The following SLC41A2 variants were observed in gnomAD, a reference collection of about 807,000 sequenced individuals.
SLC41A2 encodes solute carrier family 41 member 2, also known as SLC41A1-like 1.
Under a neutral mutation model 58.3 loss-of-function variants are expected in SLC41A2, and 32 were observed. The observed-to-expected ratio is 0.55, with a 90% confidence interval of 0.41 to 0.74. SLC41A2 has a LOEUF of 0.74. SLC41A2 is among the 30% of genes least tolerant of loss of function. The pLI is 0.00. For missense variants in SLC41A2, 514 were observed against 680.6 expected (o/e 0.76, Z 2.72); for synonymous variants, 190 against 235.0 (o/e 0.81, Z 1.75).
chr12:104,802,825 T>G lies in SLC41A2; in HGVS notation c.*2327A>C, dbSNP rs2040746887. The G allele has an allele frequency of 6.6e-6, 1 of 152,150 alleles. No homozygotes were observed. The highest frequency in any genetic ancestry group is 1.5e-5 in the Non-Finnish European group (1 of 68,002). 9.4% of individuals were successfully genotyped at this position (152,150 alleles called of 1,614,324 possible). On this transcript the variant is annotated 3_prime_UTR_variant, in exon 11 of 11. Coordinates refer to ENST00000258538, the MANE Select transcript of SLC41A2 (RefSeq NM_001352171.3). ...TAAAAATCCTATTTTTGCAGTTGGC[T>G]TCCTCTCAGTGAATTAGTTAGGTAG...
chr12:104,948,041 C>T (rs1242457515), intron 1 of SLC41A2, among the ~76,000 whole-genome samples: 2 of 152,078 alleles, frequency 1.3e-5, no homozygotes, highest in Admixed American at 6.6e-5. Flanking sequence ...TGACTTTTCT[C>T]GGAAATAATT....
intron 10 of SLC41A2, among the ~76,000 whole-genome samples, chr12:104,818,132 G>A (rs1191962401): frequency 6.6e-6 from 1 of 151,960 alleles, no homozygotes; most frequent in East Asian, 1.9e-4. Flanking sequence ...AAAATAAAAA[G>A]CATCAATGCT....
chr12:104,936,450 A>T (rs1433499627), intron 1 of SLC41A2, among the ~76,000 whole-genome samples: 2 of 152,132 alleles, frequency 1.3e-5, no homozygotes, highest in Admixed American at 1.3e-4. Context: ...CATACCCAAG[A>T]CTGGGCAATC....
chr12:104,958,739 C>T (rs1041890502), upstream of SLC41A2: 1 of 152,408 alleles, frequency 6.6e-6, no homozygotes, highest in Non-Finnish European at 1.5e-5. Flanking sequence ...CCCAGCAGCG[C>T]ATAGTGTGGG....
At chr12:104,846,880 A>G (rs1211648136) in intron 8 of SLC41A2, among the ~76,000 whole-genome samples, 2 of 152,240 alleles carry the variant, frequency 1.3e-5, no homozygotes, top group Non-Finnish European at 2.9e-5. Context: ...CTAATGATCT[A>G]GCAGAAGAAA....
chr12:104,927,931 A>T, intron 2 of SLC41A2, 42 bp downstream of exon 2: 1 of 1,498,416 alleles, frequency 6.7e-7, no homozygotes, highest in Non-Finnish European at 8.9e-7. Flanking sequence ...GAAATGGAAT[A>T]ACAAAAAAAG....
intron 2 of SLC41A2, among the ~76,000 whole-genome samples, chr12:104,923,747 C>G (rs1458006908): frequency 2.0e-5 from 3 of 152,112 alleles, no homozygotes; most frequent in Admixed American, 6.5e-5. Flanking sequence ...ACACATACAA[C>G]TATTGAACCA....
intron 1 of SLC41A2, among the ~76,000 whole-genome samples, chr12:104,937,508 C>T (rs1170201385): frequency 6.6e-6 from 1 of 152,182 alleles, no homozygotes; most frequent in Admixed American, 6.5e-5. Context: ...GAGCGATAGG[C>T]CATACCACAC....
At chr12:104,936,619 T>C (rs2047288016) in intron 1 of SLC41A2, among the ~76,000 whole-genome samples, 1 of 152,126 alleles carries the variant, frequency 6.6e-6, no homozygotes, top group African/African-American at 2.4e-5. Flanking sequence ...TCAGATCTCA[T>C]GAGACCCATT....
intron 6 of SLC41A2, among the ~76,000 whole-genome samples, chr12:104,871,728 T>G (rs981063882): frequency 6.6e-6 from 1 of 152,344 alleles, no homozygotes; most frequent in East Asian, 1.9e-4. Context: ...ATCACGTTAA[T>G]TGGAGTGCTT....
intron 10 of SLC41A2, among the ~76,000 whole-genome samples, chr12:104,808,301 C>T (rs1357643509): frequency 2.0e-5 from 3 of 152,112 alleles, no homozygotes; most frequent in Non-Finnish European, 1.5e-5. Flanking sequence ...TGTCAAAGGC[C>T]TTTTCTGCAT....
chr12:104,911,145 GC>G (rs929487112), intron 2 of SLC41A2, among the ~76,000 whole-genome samples: 4 of 152,102 alleles, frequency 2.6e-5, no homozygotes, highest in Non-Finnish European at 5.9e-5. Flanking sequence ...TGACTTGGAA[GC>G]CCCCACTTTT....
chr12:104,905,811 G>A (rs1244495829), intron 3 of SLC41A2, among the ~76,000 whole-genome samples: 2 of 152,258 alleles, frequency 1.3e-5, no homozygotes, highest in South Asian at 2.1e-4. Flanking sequence ...CTCCGAGTGC[G>A]GGGCCCACCA....
intron 10 of SLC41A2, among the ~76,000 whole-genome samples, chr12:104,821,852 ATGT>A (rs1246031765): frequency 2.0e-5 from 3 of 152,218 alleles, no homozygotes; most frequent in African/African-American, 7.2e-5. Flanking sequence ...AGCATTCACT[ATGT>A]TATTATTCTT....
At chr12:104,914,547 T>C (rs1398311129) in intron 2 of SLC41A2, among the ~76,000 whole-genome samples, 3 of 152,206 alleles carry the variant, frequency 2.0e-5, no homozygotes, top group South Asian at 2.1e-4. Flanking sequence ...CTTGAGCTAG[T>C]AGTCTACAGT....
intron 1 of SLC41A2, among the ~76,000 whole-genome samples, chr12:104,949,158 C>T (rs916140869): frequency 5.3e-5 from 8 of 152,058 alleles, no homozygotes; most frequent in Non-Finnish European, 7.4e-5. Flanking sequence ...GCAGAGGTTG[C>T]GGTGAGCCAA....
intron 1 of SLC41A2, among the ~76,000 whole-genome samples, chr12:104,941,852 CAT>C (rs377370610): frequency 5.6e-4 from 85 of 152,286 alleles, no homozygotes; most frequent in African/African-American, 1.8e-3. Context: ...ACATTCTGCA[CAT>C]GTCTCCCAGA....
chr12:104,832,029 T>C (rs2042055241), intron 10 of SLC41A2, among the ~76,000 whole-genome samples: 1 of 152,182 alleles, frequency 6.6e-6, no homozygotes, highest in Non-Finnish European at 1.5e-5. Flanking sequence ...TGCTATCCTC[T>C]GGAAAAATGA....
At chr12:104,908,488 T>C (rs1481132201) in intron 3 of SLC41A2, among the ~76,000 whole-genome samples, 1 of 152,216 alleles carries the variant, frequency 6.6e-6, no homozygotes, top group African/African-American at 2.4e-5. Context: ...AATTTTTTCC[T>C]AATTGATACA....
Sources: allele counts gnomAD v4.1 joint callset (sites outside exome capture counted in the v4.1 genomes callset), GRCh38; gene constraint gnomAD v4.1.1; transcripts MANE v1.5; gene names NCBI Gene and HGNC (gene_info 2026-07-23, HGNC 2026-07-21).